CEP128: variants seen among roughly 807,000 people sequenced by gnomAD.
CEP128 encodes centrosomal protein 128kDa.
In CEP128, 132 loss-of-function variants were observed where a neutral mutation model predicts 156.7. That is an observed-to-expected ratio of 0.84 (90% CI 0.73 to 0.97). CEP128 has a LOEUF of 0.97. Among genes scored for constraint, CEP128 ranks in the 50% least tolerant of loss-of-function variants. The pLI is 0.00. For missense variants in CEP128, 1,252 were observed against 1,281.9 expected, an observed-to-expected ratio of 0.98 and a Z score of 0.36; for synonymous variants, 469 against 448.9, an observed-to-expected ratio of 1.04 and a Z score of -0.57.
intron 19 of CEP128, among the ~76,000 whole-genome samples, chr14:80,666,497 C>A (rs1895619360): frequency 6.6e-6 from 1 of 152,146 alleles, no homozygotes; most frequent in South Asian, 2.1e-4. Context: ...ACCAGTATTT[C>A]TTGAAGAATT....
chr14:80,888,923 T>G (rs1351306440), intron 8 of CEP128, among the ~76,000 whole-genome samples: 2 of 152,150 alleles, frequency 1.3e-5, no homozygotes, highest in Non-Finnish European at 2.9e-5. Context: ...ATAAGCAACT[T>G]CAGCAAAGTC....
chr14:80,650,305 G>A (rs1894845664), intron 19 of CEP128, among the ~76,000 whole-genome samples: 2 of 152,146 alleles, frequency 1.3e-5, no homozygotes, highest in Non-Finnish European at 2.9e-5. Flanking sequence ...ATCAGCTTAA[G>A]GAAAGTTTGG....
chr14:80,867,143 C>T (rs1212767106), intron 8 of CEP128, among the ~76,000 whole-genome samples: 5 of 152,106 alleles, frequency 3.3e-5, no homozygotes. Context: ...ACTTTGAAGC[C>T]ATTATTTAGT....
intron 21 of CEP128, among the ~76,000 whole-genome samples, chr14:80,535,615 T>TCA (rs34455428): frequency 0.13 from 18,909 of 149,654 alleles, 1,274 homozygotes; most frequent in South Asian, 0.2. Flanking sequence ...ATGCACACAC[T>TCA]CACACACACA....
intron 21 of CEP128, among the ~76,000 whole-genome samples, chr14:80,542,856 G>A (rs1458722989): frequency 1.3e-5 from 2 of 152,198 alleles, no homozygotes; most frequent in African/African-American, 4.8e-5. Context: ...TCTGGCTAAG[G>A]TAGGGTCTAG....
At chr14:80,820,810 C>T (rs528834210) in intron 13 of CEP128, among the ~76,000 whole-genome samples, 87 of 152,260 alleles carry the variant, frequency 5.7e-4, no homozygotes, top group African/African-American at 1.9e-3. Flanking sequence ...TGTTTCTCTT[C>T]CTTTAATGAG....
chr14:80,645,773 G>A (rs1053397584), intron 19 of CEP128, among the ~76,000 whole-genome samples: 1 of 152,116 alleles, frequency 6.6e-6, no homozygotes, highest in Non-Finnish European at 1.5e-5. Context: ...GCACATGAAT[G>A]TTTACAGCAG....
At chr14:80,693,667 A>C (rs1444414400) in intron 19 of CEP128, among the ~76,000 whole-genome samples, 1 of 152,194 alleles carries the variant, frequency 6.6e-6, no homozygotes, top group Admixed American at 6.5e-5. Context: ...ATCTAAAAAT[A>C]AAAAAGTATC....
Position 80,838,228 on chromosome 14 carries a change from G to C in CEP128, c.900C>G (p.Gly300=). The change falls in exon 11 of 25, where the codon GGC becomes GGG. Residue 300 remains glycine (G), a synonymous_variant. Transcript: ENST00000555265. The part of the protein sequence containing the change: ...LSRRLLNQSE[G]SRETLLHQVE... Reference sequence around the variant, plus strand: ...CCTGATGCAAAAGTGTTTCTCGGCTGCCTTCTGATTGATTCAATAACCTTC... The same window carrying C: ...CCTGATGCAAAAGTGTTTCTCGGCTCCCTTCTGATTGATTCAATAACCTTC... The C allele has an allele frequency of 6.2e-7, 1 of 1,612,878 alleles. No homozygotes were observed. Among genetic ancestry groups the C allele is most frequent in the South Asian group, 1.1e-5 (1 of 91,042 alleles).
At chr14:80,786,272 A>G (rs954260540) in intron 14 of CEP128, among the ~76,000 whole-genome samples, 7 of 152,188 alleles carry the variant, frequency 4.6e-5, no homozygotes, top group African/African-American at 1.7e-4. Context: ...ATCATTGCAA[A>G]TAAAATAATG....
chr14:80,516,523 G>T (rs1888497697), intron 23 of CEP128, among the ~76,000 whole-genome samples: 1 of 152,164 alleles, frequency 6.6e-6, no homozygotes, highest in South Asian at 2.1e-4. Context: ...ATAGTACCAG[G>T]CTTGTCCTTG....
intron 20 of CEP128, among the ~76,000 whole-genome samples, chr14:80,565,246 T>C (rs553478281): frequency 2.6e-4 from 39 of 152,214 alleles, no homozygotes; most frequent in African/African-American, 9.4e-4. Flanking sequence ...ACCAGTAATC[T>C]GGCCCAACCA....
intron 8 of CEP128, among the ~76,000 whole-genome samples, chr14:80,866,792 A>G (rs1887787932): frequency 6.6e-6 from 1 of 152,206 alleles, no homozygotes. Flanking sequence ...AGAAATGGAG[A>G]TCTTCAAACT....
At chr14:80,873,524 C>A (rs1483146448) in intron 8 of CEP128, among the ~76,000 whole-genome samples, 1 of 152,126 alleles carries the variant, frequency 6.6e-6, no homozygotes, top group Non-Finnish European at 1.5e-5. Flanking sequence ...TACTATTAAA[C>A]CCCAAATTGA....
intron 3 of CEP128, among the ~76,000 whole-genome samples, chr14:80,915,573 CCTTT>C (rs1161047835): frequency 6.6e-6 from 1 of 152,148 alleles, no homozygotes; most frequent in African/African-American, 2.4e-5. Flanking sequence ...TTTCTAAAGC[CCTTT>C]CTAAGAAAAG....
At chr14:80,832,211 T>C (rs188316466) in intron 12 of CEP128, among the ~76,000 whole-genome samples, 22 of 152,310 alleles carry the variant, frequency 1.4e-4, no homozygotes, top group Admixed American at 1.4e-3. Flanking sequence ...TAAACCTCTT[T>C]CCTTTATAAA....
intron 6 of CEP128, among the ~76,000 whole-genome samples, chr14:80,904,293 C>G (rs1348445065): frequency 5.9e-5 from 9 of 151,888 alleles, no homozygotes; most frequent in Admixed American, 1.3e-4. Flanking sequence ...TAAAGTTTAA[C>G]TCATAGAAAG....
intron 21 of CEP128, among the ~76,000 whole-genome samples, chr14:80,548,854 T>C (rs975331453): frequency 1.3e-5 from 2 of 152,184 alleles, no homozygotes; most frequent in Non-Finnish European, 2.9e-5. Flanking sequence ...AGTGATACCT[T>C]TCCTATGTTA....
chr14:80,855,231 GT>G (rs1386195415), intron 9 of CEP128, among the ~76,000 whole-genome samples: 1 of 152,044 alleles, frequency 6.6e-6, no homozygotes. Context: ...CCCTGCCTGT[GT>G]TACTCTCTGC....
Sources: gnomAD v4.1 joint callset for allele counts (sites outside exome capture counted in the v4.1 genomes callset) on GRCh38, gnomAD v4.1.1 for gene constraint, MANE v1.5 for transcripts, NCBI Gene and HGNC (gene_info 2026-07-23, HGNC 2026-07-21) for gene names.